Variants in LSAMP observed in about 807,000 individuals in gnomAD.
The protein encoded by LSAMP is limbic system associated membrane protein, also known as limbic system-associated membrane protein.
A neutral mutation model predicts 38.6 loss-of-function variants in LSAMP; 7 were observed. The ratio of observed to expected loss-of-function variants is 0.18; its 90% CI spans 0.10 to 0.34. LSAMP has a LOEUF of 0.34. Among genes scored for constraint, LSAMP ranks in the 10% least tolerant of loss-of-function variants. The probability of loss-of-function intolerance (pLI) is 1.00; values close to 1 mark genes in which losing one functional copy is unlikely to be tolerated. For missense variants in LSAMP, 313 were observed against 420.0 expected, an observed-to-expected ratio of 0.75 and a Z score of 2.23; for synonymous variants, 154 against 166.8, an observed-to-expected ratio of 0.92 and a Z score of 0.59.
At chr3:116,436,625 T>C (rs559339599) in intron 1 of LSAMP, among the ~76,000 whole-genome samples, 12 of 152,116 alleles carry the variant, frequency 7.9e-5, no homozygotes, top group Non-Finnish European at 1.2e-4. Flanking sequence ...AAAACTACAA[T>C]GTGATACCAC....
rs1037676298 is a variant in LSAMP at position 115,803,917 on chromosome 3, T to C, written c.*6400A>G. On this transcript the variant is annotated 3_prime_UTR_variant, in exon 7 of 7. Transcript: ENST00000490035. ...GGATGACAGAAAACTAATGTTTCCTTTCTTATGCACAATGTCCTCATTTGT... is the reference window on the plus strand; with the variant it reads ...GGATGACAGAAAACTAATGTTTCCTCTCTTATGCACAATGTCCTCATTTGT... 6.6e-6 allele frequency: 1 copy of C among 152,222 alleles called. No homozygotes were observed. Among genetic ancestry groups the C allele is most frequent in the Non-Finnish European group, 1.5e-5 (1 of 68,032 alleles). The allele number at this position is 152,222 out of a possible 1,614,324, so 9.4% of individuals were successfully genotyped here.
intron 3 of LSAMP, among the ~76,000 whole-genome samples, chr3:115,860,843 G>C (rs1935656285): frequency 6.6e-6 from 1 of 152,110 alleles, no homozygotes; most frequent in Non-Finnish European, 1.5e-5. Context: ...AATTGCAAAA[G>C]GGTGTGGCAA....
intron 1 of LSAMP, among the ~76,000 whole-genome samples, chr3:116,424,771 T>C (rs2049172840): frequency 6.6e-6 from 1 of 152,182 alleles, no homozygotes; most frequent in South Asian, 2.1e-4. Context: ...GAGCTCTGTA[T>C]GCAGCAAATA....
At chr3:116,438,275 A>G (rs2049383733) in intron 1 of LSAMP, among the ~76,000 whole-genome samples, 1 of 152,176 alleles carries the variant, frequency 6.6e-6, no homozygotes, top group Non-Finnish European at 1.5e-5. Flanking sequence ...ATATATGACT[A>G]TAGTCTTAAG....
chr3:116,261,006 C>A (rs2046819582), intron 1 of LSAMP, among the ~76,000 whole-genome samples: 1 of 152,128 alleles, frequency 6.6e-6, no homozygotes, highest in Non-Finnish European at 1.5e-5. Flanking sequence ...TAAAATATAT[C>A]CTAAGCTTTC....
chr3:116,232,699 C>CTT (rs1219296323), intron 1 of LSAMP, among the ~76,000 whole-genome samples: 3,379 of 99,428 alleles, frequency 0.034, 226 homozygotes, highest in African/African-American at 0.099. Context: ...TTCTTTCTTT[C>CTT]TTTTTTTTTT....
At chr3:115,871,133 A>C (rs1442181720) in intron 3 of LSAMP, among the ~76,000 whole-genome samples, 1 of 152,164 alleles carries the variant, frequency 6.6e-6, no homozygotes, top group Non-Finnish European at 1.5e-5. Flanking sequence ...CCAAATTCAC[A>C]GTAAATCTCT....
At chr3:116,282,319 G>A (rs545810918) in intron 1 of LSAMP, among the ~76,000 whole-genome samples, 128 of 152,038 alleles carry the variant, frequency 8.4e-4, no homozygotes, top group Non-Finnish European at 1.6e-3. Flanking sequence ...TGGGGAGGCA[G>A]CCCCCTGGAA....
At chr3:116,429,058 C>A (rs775812508) in intron 1 of LSAMP, among the ~76,000 whole-genome samples, 1 of 152,110 alleles carries the variant, frequency 6.6e-6, no homozygotes. Flanking sequence ...AAACTGTTAC[C>A]CAAAATGCTA....
At chr3:116,336,993 G>GA (rs58647777) in intron 1 of LSAMP, among the ~76,000 whole-genome samples, 1 of 151,022 alleles carries the variant, frequency 6.6e-6, no homozygotes, top group Non-Finnish European at 1.5e-5. Flanking sequence ...ATTAAGTCTT[G>GA]AAAAAAAGCA....
At chr3:116,366,049 C>T (rs1198804506) in intron 1 of LSAMP, among the ~76,000 whole-genome samples, 2 of 98,678 alleles carry the variant, frequency 2.0e-5, no homozygotes, top group South Asian at 4.1e-4. Context: ...AGAACTTCTG[C>T]ACAGCAAAAG....
chr3:115,829,157 G>A (rs1934525486), intron 6 of LSAMP, among the ~76,000 whole-genome samples: 1 of 152,142 alleles, frequency 6.6e-6, no homozygotes, highest in Non-Finnish European at 1.5e-5. Context: ...TAGCAGGGGA[G>A]AGAACAACAG....
chr3:116,419,906 T>C (rs2049099345), intron 1 of LSAMP, among the ~76,000 whole-genome samples: 1 of 152,210 alleles, frequency 6.6e-6, no homozygotes, highest in South Asian at 2.1e-4. Context: ...TTTACAAAAA[T>C]AACTCTCACG....
At chr3:116,383,262 T>G (rs1318792031) in intron 1 of LSAMP, among the ~76,000 whole-genome samples, 2 of 152,132 alleles carry the variant, frequency 1.3e-5, no homozygotes, top group Non-Finnish European at 2.9e-5. Context: ...CTCCCTCTTC[T>G]AAATCTCTAT....
At chr3:116,005,437 T>C (rs190236201) in intron 3 of LSAMP, among the ~76,000 whole-genome samples, 33 of 152,292 alleles carry the variant, frequency 2.2e-4, no homozygotes, top group South Asian at 8.3e-4. Flanking sequence ...CACAGCATGA[T>C]AGAATAACAT....
chr3:116,106,297 G>T lies in LSAMP; in HGVS notation c.156-19741C>A, dbSNP rs181255391. ...TAAACCGGCAGTGTAAACAAGAGCA[G>T]GGCATGTGTGAGTAGTTGAGAATGG... On this transcript the variant is annotated intron_variant, in intron 1 of 6. Coordinates refer to ENST00000490035, the MANE Select transcript of LSAMP (RefSeq NM_002338.5). 1.0e-3 allele frequency among the ~76,000 whole-genome samples: 159 copies of T among 152,262 alleles called. 1 individual carries two copies. Among genetic ancestry groups the T allele is most frequent in the African/African-American group, 3.7e-3 (155 of 41,534 alleles).
chr3:115,845,039 G>C lies in LSAMP; in HGVS notation c.650-2461C>G, dbSNP rs150445048. On this transcript the variant is annotated intron_variant, in intron 4 of 6. Transcript: ENST00000490035. ...GCATTTGAAGGCTGAGAGATATTAG[G>C]CTTCAGAACTGATGAGACTAGAAAT... Among the ~76,000 whole-genome samples the C allele has an allele frequency of 2.0e-3, 302 of 152,244 alleles. 4 individuals carry two copies. The highest frequency in any genetic ancestry group is 6.6e-3 in the African/African-American group (276 of 41,524).
At chr3:116,099,792 T>A (rs532434873) in intron 1 of LSAMP, among the ~76,000 whole-genome samples, 4 of 152,320 alleles carry the variant, frequency 2.6e-5, no homozygotes, top group African/African-American at 9.6e-5. Context: ...TCTTTCTCCA[T>A]GCACACTTTT....
At chr3:116,079,819 T>C (rs1015718181) in intron 2 of LSAMP, among the ~76,000 whole-genome samples, 5 of 151,972 alleles carry the variant, frequency 3.3e-5, no homozygotes, top group African/African-American at 1.2e-4. Flanking sequence ...AACTATATAT[T>C]AAATATATAT....
Sources: allele counts gnomAD v4.1 joint callset (sites outside exome capture counted in the v4.1 genomes callset), GRCh38; gene constraint gnomAD v4.1.1; transcripts MANE v1.5; gene names NCBI Gene and HGNC (gene_info 2026-07-23, HGNC 2026-07-21).